Variants in ZNF385D observed in about 807,000 individuals in gnomAD.
The protein encoded by ZNF385D is zinc finger protein 385D.
A neutral mutation model predicts 35.8 loss-of-function variants in ZNF385D; 15 were observed. The ratio of observed to expected loss-of-function variants is 0.42; its 90% CI spans 0.28 to 0.64. ZNF385D has a LOEUF of 0.64. Among genes scored for constraint, ZNF385D ranks in the 30% least tolerant of loss-of-function variants. The probability of loss-of-function intolerance (pLI) is 0.23; values close to 1 mark genes in which losing one functional copy is unlikely to be tolerated. For missense variants in ZNF385D, 474 were observed against 494.6 expected, an observed-to-expected ratio of 0.96 and a Z score of 0.39; for synonymous variants, 212 against 186.8, an observed-to-expected ratio of 1.13 and a Z score of -1.10.
intron 3 of ZNF385D, among the ~76,000 whole-genome samples, chr3:21,771,775 T>C (rs187605451): frequency 2.0e-5 from 3 of 151,688 alleles, no homozygotes; most frequent in Middle Eastern, 3.4e-3. Flanking sequence ...AAATAGCAAA[T>C]ACAATCTTGA....
intron 3 of ZNF385D, among the ~76,000 whole-genome samples, chr3:22,034,006 G>A (rs1031435999): frequency 4.6e-5 from 7 of 152,092 alleles, no homozygotes; most frequent in Admixed American, 1.3e-4. Context: ...TTTTTAAAAC[G>A]TAAAGTCCTG....
intron 5 of ZNF385D, among the ~76,000 whole-genome samples, chr3:21,429,794 T>A (rs1701207326): frequency 6.6e-6 from 1 of 152,162 alleles, no homozygotes; most frequent in African/African-American, 2.4e-5. Flanking sequence ...AGCATTTGAC[T>A]AGATTTTTAA....
chr3:21,492,817 T>TAAATAAATA (rs1192454502), intron 4 of ZNF385D, among the ~76,000 whole-genome samples: 1 of 63,624 alleles, frequency 1.6e-5, no homozygotes, highest in African/African-American at 7.3e-5. Context: ...ATAAATAAAT[T>TAAATAAATA]TTGGCAGGAT....
intron 4 of ZNF385D, among the ~76,000 whole-genome samples, chr3:21,504,635 C>T (rs1706634977): frequency 6.6e-6 from 1 of 152,012 alleles, no homozygotes; most frequent in Non-Finnish European, 1.5e-5. Flanking sequence ...TATGATAGGG[C>T]AACTAGAAAG....
At chr3:22,183,373 T>C (rs1207276624) in intron 2 of ZNF385D, among the ~76,000 whole-genome samples, 1 of 152,108 alleles carries the variant, frequency 6.6e-6, no homozygotes, top group Non-Finnish European at 1.5e-5. Flanking sequence ...TAATTTGAGA[T>C]GGAGTCTCAC....
At chr3:21,857,979 A>G (rs1471935884) in intron 3 of ZNF385D, among the ~76,000 whole-genome samples, 4 of 151,810 alleles carry the variant, frequency 2.6e-5, no homozygotes, top group African/African-American at 7.2e-5. Context: ...GGTGGTTCAC[A>G]CCTGTAATCC....
At chr3:21,869,596 C>T (rs997773611) in intron 3 of ZNF385D, among the ~76,000 whole-genome samples, 2 of 152,022 alleles carry the variant, frequency 1.3e-5, no homozygotes, top group Non-Finnish European at 2.9e-5. Context: ...AAGCTAAATA[C>T]AGGCTTAAAA....
intron 2 of ZNF385D, among the ~76,000 whole-genome samples, chr3:22,243,548 G>C (rs1699606991): frequency 6.6e-6 from 1 of 150,950 alleles, no homozygotes; most frequent in Non-Finnish European, 1.5e-5. Context: ...TGAAAGTGGG[G>C]TACATTTAGA....
At chr3:21,613,785 C>A (rs572821694) in intron 2 of ZNF385D, among the ~76,000 whole-genome samples, 5 of 152,226 alleles carry the variant, frequency 3.3e-5, no homozygotes, top group Non-Finnish European at 7.3e-5. Context: ...AACAGACACT[C>A]TTAATCCACA....
intron 4 of ZNF385D, among the ~76,000 whole-genome samples, chr3:21,468,422 A>T (rs1703664931): frequency 6.6e-6 from 1 of 151,062 alleles, no homozygotes; most frequent in Admixed American, 6.6e-5. Flanking sequence ...AAAAAAAAAA[A>T]AAGTATATGC....
Position 21,986,093 on chromosome 3 carries a change from T to C in ZNF385D, c.325+182724A>G, listed in dbSNP as rs1425272503. On this transcript the variant is annotated intron_variant, in intron 3 of 5. Transcript: ENST00000494108. ...ATTAGTCTTCCTAGCAGTCTATCAATTTTGTTGATCCTTTCAAAAAACCAG... is the reference window on the plus strand; with the variant it reads ...ATTAGTCTTCCTAGCAGTCTATCAACTTTGTTGATCCTTTCAAAAAACCAG... Among the ~76,000 whole-genome samples, 4 of 98,878 alleles carry C rather than the reference T, an allele frequency of 4.0e-5. 1 individual carries two copies. The highest frequency in any genetic ancestry group is 7.4e-5 in the Non-Finnish European group (4 of 54,232). 64.9% of individuals were successfully genotyped at this position (98,878 alleles called of 152,430 possible). A position where few individuals can be genotyped will look rare whatever the true frequency, so the allele number is the denominator to read the frequency against.
chr3:22,271,049 C>T (rs1048686275), intron 2 of ZNF385D, among the ~76,000 whole-genome samples: 3 of 151,966 alleles, frequency 2.0e-5, no homozygotes, highest in South Asian at 2.1e-4. Flanking sequence ...TTTAGCCCCT[C>T]CTTCCATGAA....
chr3:21,459,749 G>A (rs1703049235), intron 4 of ZNF385D, among the ~76,000 whole-genome samples: 1 of 152,118 alleles, frequency 6.6e-6, no homozygotes, highest in African/African-American at 2.4e-5. Context: ...TATGTTGCTT[G>A]ATGAAAAATG....
At chr3:22,256,945 C>T (rs1015000355) in intron 2 of ZNF385D, among the ~76,000 whole-genome samples, 1 of 151,690 alleles carries the variant, frequency 6.6e-6, no homozygotes, top group Non-Finnish European at 1.5e-5. Flanking sequence ...AAATTTTTTT[C>T]AGGTTAAGGA....
At chr3:21,670,253 CTTAT>C (rs1231469869) in intron 1 of ZNF385D, among the ~76,000 whole-genome samples, 2 of 151,524 alleles carry the variant, frequency 1.3e-5, no homozygotes, top group Non-Finnish European at 2.9e-5. Context: ...AATATATATA[CTTAT>C]TTATATTAAA....
intron 3 of ZNF385D, among the ~76,000 whole-genome samples, chr3:21,974,998 AAC>A (rs1314701523): frequency 6.6e-6 from 1 of 152,212 alleles, no homozygotes; most frequent in Non-Finnish European, 1.5e-5. Flanking sequence ...CACTATAAAG[AAC>A]AGTTTGGCAG....
chr3:21,534,233 T>C (rs1407020771), intron 3 of ZNF385D, among the ~76,000 whole-genome samples: 2 of 152,122 alleles, frequency 1.3e-5, no homozygotes, highest in South Asian at 2.1e-4. Context: ...CTGGAGCAAA[T>C]AGTAACCTGG....
chr3:21,533,723 G>C (rs545568774), intron 3 of ZNF385D, among the ~76,000 whole-genome samples: 19 of 152,182 alleles, frequency 1.2e-4, no homozygotes, highest in African/African-American at 4.6e-4. Flanking sequence ...ATCATAAATT[G>C]CTCCTAGAAT....
chr3:22,251,426 C>T (rs1016121454), intron 2 of ZNF385D, among the ~76,000 whole-genome samples: 11 of 152,086 alleles, frequency 7.2e-5, no homozygotes, highest in Non-Finnish European at 1.2e-4. Flanking sequence ...TTGTACGTAA[C>T]CCCTTCCTCA....
Sources: allele counts gnomAD v4.1 joint callset (sites outside exome capture counted in the v4.1 genomes callset), GRCh38; gene constraint gnomAD v4.1.1; transcripts MANE v1.5; gene names NCBI Gene and HGNC (gene_info 2026-07-23, HGNC 2026-07-21).